The following NRXN3 variants were observed in gnomAD, a reference collection of about 807,000 sequenced individuals.
NRXN3 encodes neurexin III.
A neutral mutation model predicts 137.6 loss-of-function variants in NRXN3; 32 were observed. That is an observed-to-expected ratio of 0.23 (90% CI 0.18 to 0.31). NRXN3 has a LOEUF of 0.31. Ranked by LOEUF, NRXN3 falls within the 10% of genes least tolerant of loss-of-function variation. NRXN3 has a pLI of 1.00. For synonymous variants in NRXN3, 798 were observed against 784.5 expected (o/e 1.02, Z -0.29); for missense variants, 1,574 against 2,062.5 (o/e 0.76, Z 4.59).
intron 15 of NRXN3, among the ~76,000 whole-genome samples, chr14:79,326,252 G>T (rs1404038326): frequency 6.6e-6 from 1 of 152,122 alleles, no homozygotes; most frequent in Non-Finnish European, 1.5e-5. Context: ...GGACCTTAGT[G>T]CATAAATAAG....
intron 6 of NRXN3, among the ~76,000 whole-genome samples, chr14:78,704,505 A>C (rs1030962287): frequency 6.6e-6 from 1 of 152,178 alleles, no homozygotes; most frequent in Non-Finnish European, 1.5e-5. Context: ...GGAGGTATAG[A>C]CATCCATTAG....
chr14:78,742,035 T>C (rs1399882154), intron 8 of NRXN3, among the ~76,000 whole-genome samples: 1 of 152,158 alleles, frequency 6.6e-6, no homozygotes, highest in Non-Finnish European at 1.5e-5. Flanking sequence ...CTGGAGGTAG[T>C]GCAGCCTCAT....
chr14:79,193,140 C>A (rs76399910), intron 15 of NRXN3, among the ~76,000 whole-genome samples: 1 of 149,834 alleles, frequency 6.7e-6, no homozygotes, highest in Non-Finnish European at 1.5e-5. Flanking sequence ...GTTTTAAAGA[C>A]AAAAAAAAAA....
chr14:79,004,874 G>A (rs906163229), intron 15 of NRXN3, among the ~76,000 whole-genome samples: 4 of 152,032 alleles, frequency 2.6e-5, no homozygotes, highest in African/African-American at 4.8e-5. Flanking sequence ...CTGTCGCCCC[G>A]TCCTCATCAT....
At chr14:78,260,681 T>A (rs2070551786) in intron 2 of NRXN3, among the ~76,000 whole-genome samples, 1 of 152,188 alleles carries the variant, frequency 6.6e-6, no homozygotes, top group Non-Finnish European at 1.5e-5. Flanking sequence ...GGAGTTTCCC[T>A]GCAAATGATC....
chr14:78,877,988 T>A (rs1297802726), intron 10 of NRXN3, among the ~76,000 whole-genome samples: 2 of 152,208 alleles, frequency 1.3e-5, no homozygotes, highest in African/African-American at 4.8e-5. Context: ...GAACTTTCTT[T>A]ATTAAAAGAG....
intron 15 of NRXN3, among the ~76,000 whole-genome samples, chr14:79,459,553 C>T (rs1056077438): frequency 5.3e-5 from 8 of 151,994 alleles, no homozygotes; most frequent in Non-Finnish European, 8.8e-5. Context: ...TCTTGAAATT[C>T]TAGCCTCCAG....
At chr14:79,378,697 CA>C (rs761559741) in intron 15 of NRXN3, among the ~76,000 whole-genome samples, 4 of 152,070 alleles carry the variant, frequency 2.6e-5, no homozygotes, top group East Asian at 3.9e-4. Flanking sequence ...AAGTACCTCA[CA>C]AAGGTAATGC....
chr14:78,627,032 G>C (rs1050791752), intron 4 of NRXN3, among the ~76,000 whole-genome samples: 2 of 150,962 alleles, frequency 1.3e-5, no homozygotes, highest in African/African-American at 4.9e-5. Context: ...ATCTTCTTTA[G>C]CTTGTCCTTT....
chr14:78,447,438 G>A (rs549890761), intron 4 of NRXN3, among the ~76,000 whole-genome samples: 108 of 152,234 alleles, frequency 7.1e-4, no homozygotes, highest in Non-Finnish European at 1.3e-3. Context: ...TGCACTGGAG[G>A]AAGAAAGAAA....
chr14:79,238,684 G>A (rs1217877538), intron 15 of NRXN3, among the ~76,000 whole-genome samples: 1 of 152,056 alleles, frequency 6.6e-6, no homozygotes, highest in African/African-American at 2.4e-5. Context: ...TCAAGAATCT[G>A]CATTTTTAAA....
intron 16 of NRXN3, among the ~76,000 whole-genome samples, chr14:79,556,111 C>A (rs1305782902): frequency 6.6e-6 from 1 of 152,048 alleles, no homozygotes; most frequent in African/African-American, 2.4e-5. Context: ...TCCACATTGC[C>A]AAGGAGGAGA....
At chr14:78,235,004 A>ATATATATATATATATGTG (rs1390760523) in intron 1 of NRXN3, among the ~76,000 whole-genome samples, 5,662 of 65,178 alleles carry the variant, frequency 0.087, 285 homozygotes, top group Middle Eastern at 0.18. Flanking sequence ...TTATATATAT[A>ATATATATATATATATGTG]TATATATATA....
At chr14:78,927,150 CA>C (rs1555588692) in intron 10 of NRXN3, among the ~76,000 whole-genome samples, 3,150 of 111,586 alleles carry the variant, frequency 0.028, 122 homozygotes, top group African/African-American at 0.097. Context: ...GTGAGACCCT[CA>C]AAAAAAAAAA....
At chr14:78,676,809 G>A (rs1046465990) in intron 6 of NRXN3, among the ~76,000 whole-genome samples, 10 of 152,080 alleles carry the variant, frequency 6.6e-5, no homozygotes, top group Admixed American at 2.0e-4. Flanking sequence ...GTGACTTTAA[G>A]TTGAAACCAA....
chr14:79,672,148 C>A (rs1002244816), intron 17 of NRXN3, among the ~76,000 whole-genome samples: 1 of 151,966 alleles, frequency 6.6e-6, no homozygotes, highest in Non-Finnish European at 1.5e-5. Context: ...TTTGCTGCAA[C>A]CCTCTGTAGG....
At chr14:79,511,448 C>T (rs190480653) in intron 16 of NRXN3, among the ~76,000 whole-genome samples, 44 of 152,330 alleles carry the variant, frequency 2.9e-4, no homozygotes, top group African/African-American at 9.4e-4. Flanking sequence ...AGAAGCATTG[C>T]GTCTCTAAGC....
At chr14:79,112,575 A>C (rs543531729) in intron 15 of NRXN3, among the ~76,000 whole-genome samples, 2 of 152,368 alleles carry the variant, frequency 1.3e-5, no homozygotes, top group South Asian at 4.1e-4. Context: ...CTTATTCAAC[A>C]GACTGTGTGT....
intron 3 of NRXN3, among the ~76,000 whole-genome samples, chr14:78,285,236 A>G (rs992645360): frequency 6.6e-6 from 1 of 152,150 alleles, no homozygotes; most frequent in East Asian, 1.9e-4. Flanking sequence ...TCCTAACTCT[A>G]GTAGTACCTA....
Sources: allele counts gnomAD v4.1 joint callset (sites outside exome capture counted in the v4.1 genomes callset), GRCh38; gene constraint gnomAD v4.1.1; transcripts MANE v1.5; gene names NCBI Gene and HGNC (gene_info 2026-07-23, HGNC 2026-07-21).